FREM2: variants seen among roughly 807,000 people sequenced by gnomAD.
FREM2 encodes FRAS1-related extracellular matrix protein 2.
In FREM2, 119 loss-of-function variants were observed where a neutral mutation model predicts 219.9. The observed-to-expected ratio is 0.54, with a 90% CI of 0.47 to 0.63. FREM2 has a LOEUF of 0.63. FREM2 is among the 30% of genes least tolerant of loss of function. The pLI, the probability that FREM2 is intolerant of heterozygous loss-of-function variation, is 0.00. For synonymous variants in FREM2, 1,562 were observed against 1,522.8 expected, an observed-to-expected ratio of 1.03 and a Z score of -0.60; for missense variants, 4,030 against 3,993.6, an observed-to-expected ratio of 1.01 and a Z score of -0.25.
intron 4 of FREM2, among the ~76,000 whole-genome samples, chr13:38,770,508 A>G (rs1873619383): frequency 6.6e-6 from 1 of 152,206 alleles, no homozygotes; most frequent in Non-Finnish European, 1.5e-5. Context: ...GTCTTAACAT[A>G]TCTTTGAAAC....
In FREM2 at chr13:38,882,402, T is replaced by G. The variant is rs1878579785; in HGVS notation, c.*1615T>G. On this transcript the variant is annotated 3_prime_UTR_variant, in exon 24 of 24. Coordinates refer to ENST00000280481, the MANE Select transcript of FREM2 (RefSeq NM_207361.6). ...TCAGAACAGATGTGCACATCTTAAT[T>G]TGGTGTCTGTAAGTATCAACCATTT... 1 of 152,126 alleles carries G rather than the reference T, an allele frequency of 6.6e-6. No homozygotes were observed. Among genetic ancestry groups the G allele is most frequent in the African/African-American group, 2.4e-5 (1 of 41,414 alleles). The allele number at this position is 152,126 out of a possible 1,614,324, so 9.4% of individuals were successfully genotyped here.
chr13:38,694,578 G>T (rs182580096), intron 1 of FREM2, among the ~76,000 whole-genome samples: 36 of 152,284 alleles, frequency 2.4e-4, no homozygotes, highest in African/African-American at 8.7e-4. Context: ...TTATCATGAA[G>T]GGATAAGGTA....
intron 2 of FREM2, among the ~76,000 whole-genome samples, chr13:38,761,068 T>C (rs1425810952): frequency 6.6e-6 from 1 of 152,094 alleles, no homozygotes; most frequent in Non-Finnish European, 1.5e-5. Context: ...TAAAATTAGC[T>C]AAGAATTGTT....
rs1878599366 is a variant in FREM2, at chr13:38,882,980, T to G, written c.*2193T>G. 1 of 152,166 alleles carries G rather than the reference T, an allele frequency of 6.6e-6. No homozygotes were observed. The highest frequency in any genetic ancestry group is 6.5e-5 in the Admixed American group (1 of 15,272). 9.4% of individuals were successfully genotyped at this position (152,166 alleles called of 1,614,324 possible). A position where few individuals can be genotyped will look rare whatever the true frequency, so the allele number is the denominator to read the frequency against. Reference sequence around the variant, plus strand: ...TTTCAGGCTTTGGGTCAAGCTGGTTTTATACCAAATTTCACTCTACAATGC... The same window carrying G: ...TTTCAGGCTTTGGGTCAAGCTGGTTGTATACCAAATTTCACTCTACAATGC... On this transcript the variant is annotated 3_prime_UTR_variant, in exon 24 of 24. Transcript: ENST00000280481.
chr13:38,862,216 G>T (rs1877786902), intron 15 of FREM2, among the ~76,000 whole-genome samples: 1 of 152,178 alleles, frequency 6.6e-6, no homozygotes, highest in Non-Finnish European at 1.5e-5. Context: ...GTAGCTAAGG[G>T]AGAGGAAATA....
rs748228209 is a variant in FREM2 at position 38,688,488 on chromosome 13, T to A, written c.1144T>A (p.Ser382Thr). ...STDDRSLPLSSFTQRDLRLLK... is the reference protein window; with the variant it reads ...STDDRSLPLSTFTQRDLRLLK... ...CGATGATCGCAGCCTGCCCCTTTCC[T>A]CCTTCACTCAGAGGGATCTGCGGCT... Residue 382 changes from serine to threonine, a missense_variant, in exon 1 of 24, where the codon TCC becomes ACC. Around this residue, in one of 2 missense-constraint regions of FREM2, gnomAD observed 3,102 missense variants for 2,950.7 expected, o/e 1.05. Coordinates refer to ENST00000280481, the MANE Select transcript of FREM2 (RefSeq NM_207361.6). The A allele has an allele frequency of 6.2e-7, 1 of 1,613,910 alleles. No homozygotes were observed. The highest frequency in any genetic ancestry group is 1.1e-5 in the South Asian group (1 of 91,068).
chr13:38,855,499 T>G (rs1481330634), intron 11 of FREM2, among the ~76,000 whole-genome samples: 1 of 152,170 alleles, frequency 6.6e-6, no homozygotes, highest in African/African-American at 2.4e-5. Context: ...CTCCCATAAT[T>G]CAGCATCTTT....
At chr13:38,789,641 C>T (rs1566143046) in intron 6 of FREM2, among the ~76,000 whole-genome samples, 1 of 150,960 alleles carries the variant, frequency 6.6e-6, no homozygotes, top group Non-Finnish European at 1.5e-5. Context: ...CTCAGACTTA[C>T]CTTCCAGTTG....
chr13:38,835,530 T>C (rs1483487500), intron 6 of FREM2, among the ~76,000 whole-genome samples: 2 of 152,276 alleles, frequency 1.3e-5, no homozygotes, highest in African/African-American at 4.8e-5. Flanking sequence ...ATAAATTACT[T>C]TGGGCAGTAT....
chr13:38,807,456 A>G (rs1025600168), intron 6 of FREM2, among the ~76,000 whole-genome samples: 1 of 151,248 alleles, frequency 6.6e-6, no homozygotes, highest in South Asian at 2.1e-4. Context: ...TACTTTGACC[A>G]GATCTATCAG....
Position 38,848,712 on chromosome 13 carries a change from AT to A in FREM2, c.6379+43del. On this transcript the variant is annotated intron_variant, in intron 8 of 23. Coordinates refer to ENST00000280481, the MANE Select transcript of FREM2 (RefSeq NM_207361.6). ...TTTATAATTTACAATGATAATTGAA[AT>A]CATAAGCTAAGGTTTATGTATATAT... The A allele has an allele frequency of 2.0e-6, 3 of 1,481,018 alleles. No homozygotes were observed. In the South Asian group the frequency reaches 3.5e-5, roughly 17 times the overall value. 91.7% of individuals were successfully genotyped at this position (1,481,018 alleles called of 1,614,324 possible).
rs142665790 is a variant in FREM2 at position 38,859,516 on chromosome 13, C to T, written c.7445C>T (p.Ala2482Val). The T allele has an allele frequency of 3.1e-6, 5 of 1,614,040 alleles. No individual in the cohort carries two copies. The highest frequency in any genetic ancestry group is 4.2e-6 in the Non-Finnish European group (5 of 1,179,992). ...FQPGSRVQCAARAVNTNGDEG... is the reference protein window; with the variant it reads ...FQPGSRVQCAVRAVNTNGDEG... ...CCTGGCTCCCGGGTACAGTGCGCAG[C>T]TCGTGCTGTGAACACCAATGGGGAT... Residue 2482 changes from alanine to valine, a missense_variant, in exon 14 of 24, where the codon GCT (alanine) becomes GTT (valine). Ala to Val is a moderately conservative substitution (Grantham distance 64). This residue lies in a region of FREM2 where 928 missense variants were observed against 1,042.9 expected (regional missense o/e 0.89). Transcript: ENST00000280481.
intron 2 of FREM2, among the ~76,000 whole-genome samples, chr13:38,746,656 G>T (rs1306374176): frequency 6.6e-6 from 1 of 152,152 alleles, no homozygotes; most frequent in Admixed American, 6.6e-5. Flanking sequence ...ATAAGCTTAT[G>T]CATTTTTTAG....
rs201790690 is a variant in FREM2 at position 38,830,816 on chromosome 13, C to T, written c.6020-15757C>T. Among the ~76,000 whole-genome samples the T allele has an allele frequency of 4.6e-5, 7 of 152,308 alleles. No individual in the cohort carries two copies. The East Asian group carries it at 1.2e-3, about 25-fold the overall frequency. On this transcript the variant is annotated intron_variant, in intron 6 of 23. Coordinates refer to ENST00000280481, the MANE Select transcript of FREM2 (RefSeq NM_207361.6). ...GCTGTCCTGTGTCAGCTCTCCATCT[C>T]GGGAACCTCTGCACTACAGCAGCTG...
At chr13:38,807,189 T>TATATATACATATATATATATATATA (rs1555268805) in intron 6 of FREM2, among the ~76,000 whole-genome samples, 1 of 45,378 alleles carries the variant, frequency 2.2e-5, no homozygotes, top group Admixed American at 3.8e-4. Flanking sequence ...CTTGTCTCTG[T>TATATATACATATATATATATATATA]TATATATATA....
At chr13:38,841,314 G>C (rs1326556761) in intron 6 of FREM2, among the ~76,000 whole-genome samples, 1 of 152,064 alleles carries the variant, frequency 6.6e-6, no homozygotes, top group East Asian at 1.9e-4. Context: ...AACAGTGCTG[G>C]GCCTGTGTGG....
At chr13:38,836,590 T>A (rs890776211) in intron 6 of FREM2, among the ~76,000 whole-genome samples, 4 of 152,158 alleles carry the variant, frequency 2.6e-5, no homozygotes, top group African/African-American at 9.6e-5. Context: ...TCTTTTGGTT[T>A]GTAGGCTATT....
chr13:38,820,934 A>G (rs959539671), intron 6 of FREM2, among the ~76,000 whole-genome samples: 4 of 152,190 alleles, frequency 2.6e-5, no homozygotes, highest in Admixed American at 2.6e-4. Flanking sequence ...AGACAGCAGC[A>G]TCTCCACGTA....
intron 6 of FREM2, among the ~76,000 whole-genome samples, chr13:38,840,644 ATGTGTATG>A (rs1876920120): frequency 7.4e-6 from 1 of 134,256 alleles, no homozygotes; most frequent in Admixed American, 7.3e-5. Context: ...ATATATATAT[ATGTGTATG>A]TATATATATA....
Sources: allele counts gnomAD v4.1 joint callset (sites outside exome capture counted in the v4.1 genomes callset), GRCh38; gene constraint gnomAD v4.1.1; regional missense constraint gnomAD v4.1.1; transcripts MANE v1.5; gene names NCBI Gene and HGNC (gene_info 2026-07-23, HGNC 2026-07-21).